GABRR3: variants seen among roughly 807,000 people sequenced by gnomAD.
The protein encoded by GABRR3 is gamma-aminobutyric acid receptor subunit rho-3.
Under a neutral mutation model 43.2 loss-of-function variants are expected in GABRR3, and 29 were observed. The ratio of observed to expected loss-of-function variants is 0.67; its 90% confidence interval spans 0.50 to 0.92. The LOEUF (loss-of-function observed/expected upper bound fraction) is 0.92, where lower values mean the gene tolerates loss of function less well. Among genes scored for constraint, GABRR3 ranks in the 40% least tolerant of loss-of-function variants. GABRR3 has a pLI of 0.00. For missense variants in GABRR3, 576 were observed against 572.3 expected (o/e 1.01, Z -0.07); for synonymous variants, 206 against 195.9 (o/e 1.05, Z -0.43).
chr3:97,988,743 T>C (rs1706420096), intron 9 of GABRR3, among the ~76,000 whole-genome samples: 1 of 150,308 alleles, frequency 6.7e-6, no homozygotes, highest in Non-Finnish European at 1.5e-5. Context: ...TAGGTATTGG[T>C]GTCTGGTGGT....
intron 7 of GABRR3, among the ~76,000 whole-genome samples, chr3:98,003,260 A>G (rs1297453644): frequency 6.6e-6 from 1 of 152,180 alleles, no homozygotes; most frequent in Non-Finnish European, 1.5e-5. Context: ...ACTTTATATA[A>G]CTACTGTGAG....
At chr3:97,990,196 C>G (rs1706444734) in intron 9 of GABRR3, among the ~76,000 whole-genome samples, 1 of 152,134 alleles carries the variant, frequency 6.6e-6, no homozygotes, top group African/African-American at 2.4e-5. Flanking sequence ...GTTTTTACGC[C>G]CTTTTACTAT....
At chr3:98,030,537 G>GA (rs1242277392) in intron 2 of GABRR3, among the ~76,000 whole-genome samples, 3 of 152,112 alleles carry the variant, frequency 2.0e-5, no homozygotes, top group Admixed American at 6.6e-5. Context: ...CGTGAGCTTG[G>GA]AAAAACAAAA....
chr3:98,005,794 C>T (rs1468859964), intron 7 of GABRR3, among the ~76,000 whole-genome samples: 1 of 152,026 alleles, frequency 6.6e-6, no homozygotes, highest in Non-Finnish European at 1.5e-5. Flanking sequence ...TAAAGAAATG[C>T]CATAATTATT....
intron 2 of GABRR3, among the ~76,000 whole-genome samples, chr3:98,026,602 GTCA>G (rs367904103): frequency 0.2 from 20,190 of 101,230 alleles, 1,600 homozygotes; most frequent in Non-Finnish European, 0.29. Context: ...AAAGGTGGCT[GTCA>G]TCATCATCAT....
intron 3 of GABRR3, 103 bp from the exon 4 acceptor site, chr3:98,017,825 T>A (rs959426128): frequency 7.2e-5 from 55 of 766,268 alleles, no homozygotes; most frequent in Middle Eastern, 2.3e-4. Context: ...ACTGAATTAC[T>A]GTTAAAGTTT....
At chr3:98,008,408 G>T (rs1706749437) in intron 6 of GABRR3, among the ~76,000 whole-genome samples, 1 of 152,232 alleles carries the variant, frequency 6.6e-6, no homozygotes, top group Non-Finnish European at 1.5e-5. Flanking sequence ...CATCTGGTGA[G>T]ATTCCCAGCA....
chr3:98,001,574 T>C lies in GABRR3; in HGVS notation c.907+41A>G, dbSNP rs758152520. ...CATTTTATTTACCTCCCTTGAACTT[T>C]CTCCCATGTTAACATTTTATAAAGA... On this transcript the variant is annotated intron_variant, in intron 8 of 9. Coordinates refer to ENST00000621172, the Ensembl canonical transcript of GABRR3. The C allele has an allele frequency of 1.6e-5, 26 of 1,608,120 alleles. No individual in the cohort carries two copies. In the Admixed American group the frequency reaches 4.0e-4, roughly 25 times the overall value.
intron 8 of GABRR3, among the ~76,000 whole-genome samples, chr3:97,994,392 A>G (rs1393172505): frequency 6.6e-6 from 1 of 152,218 alleles, no homozygotes; most frequent in Non-Finnish European, 1.5e-5. Context: ...AGGACTTGGA[A>G]TCTCACCTTC....
At chr3:98,005,247 T>C (rs954175973) in intron 7 of GABRR3, among the ~76,000 whole-genome samples, 1 of 142,480 alleles carries the variant, frequency 7.0e-6, no homozygotes, top group African/African-American at 2.5e-5. Context: ...ACACACGATA[T>C]GCACAGATAT....
At chr3:97,989,181 G>A (rs1366261358) in intron 9 of GABRR3, among the ~76,000 whole-genome samples, 2 of 151,360 alleles carry the variant, frequency 1.3e-5, no homozygotes, top group Non-Finnish European at 1.5e-5. Flanking sequence ...GGTGGGTGGT[G>A]GTTAGTAATG....
chr3:97,985,825 C>T (rs1196188215), downstream of GABRR3, among the ~76,000 whole-genome samples: 1 of 149,554 alleles, frequency 6.7e-6, no homozygotes, highest in African/African-American at 2.5e-5. Flanking sequence ...CTTATGCTCA[C>T]AAATACATGA....
At chr3:97,994,516 C>A (rs1341456691) in intron 8 of GABRR3, among the ~76,000 whole-genome samples, 1 of 152,176 alleles carries the variant, frequency 6.6e-6, no homozygotes, top group Non-Finnish European at 1.5e-5. Flanking sequence ...GTACTATCAA[C>A]GATCTGCATA....
intron 7 of GABRR3, among the ~76,000 whole-genome samples, chr3:98,004,640 G>A: frequency 6.7e-6 from 1 of 149,678 alleles, no homozygotes. Flanking sequence ...AGGTCGTGGT[G>A]ATTTTTGAAC....
chr3:98,033,333 CG>C (rs973966995), intron 2 of GABRR3, among the ~76,000 whole-genome samples: 2 of 152,124 alleles, frequency 1.3e-5, no homozygotes, highest in Admixed American at 6.6e-5. Flanking sequence ...GCGTTTCCTA[CG>C]GGGGAAGTCT....
intron 8 of GABRR3, 119 bp from the exon 9 acceptor site, chr3:97,993,167 G>A (rs1030544447): frequency 5.6e-6 from 4 of 708,092 alleles, no homozygotes; most frequent in Non-Finnish European, 8.8e-6. Context: ...TCCAAGAGGA[G>A]GGAAGGTGTG....
At chr3:98,006,901 G>GTAC (rs1350804836) in intron 7 of GABRR3, among the ~76,000 whole-genome samples, 1 of 152,172 alleles carries the variant, frequency 6.6e-6, no homozygotes, top group Non-Finnish European at 1.5e-5. Flanking sequence ...ATAGTAAAGA[G>GTAC]TACTATATAG....
At chr3:98,024,282 C>G (rs776591412) in intron 3 of GABRR3, among the ~76,000 whole-genome samples, 1 of 146,180 alleles carries the variant, frequency 6.8e-6, no homozygotes, top group South Asian at 2.1e-4. Flanking sequence ...TCACTTGAAT[C>G]TGGGAAGTGG....
chr3:98,007,919 T>C lies in GABRR3; in HGVS notation c.614-15A>G. On this transcript the variant is annotated splice_polypyrimidine_tract_variant and intron_variant, in intron 6 of 9. Transcript: ENST00000621172. ...ATTGTAGGCATCTAAAACATGAAAATATCAGTCTTGTAAGTGTAATAAGCT... is the reference window on the plus strand; with the variant it reads ...ATTGTAGGCATCTAAAACATGAAAACATCAGTCTTGTAAGTGTAATAAGCT... 6.5e-7 allele frequency: 1 copy of C among 1,542,934 alleles called. No homozygotes were observed. The highest frequency in any genetic ancestry group is 8.7e-7 in the Non-Finnish European group (1 of 1,144,600).
Sources: allele counts gnomAD v4.1 joint callset (sites outside exome capture counted in the v4.1 genomes callset), GRCh38; gene constraint gnomAD v4.1.1; transcripts MANE v1.5; gene names NCBI Gene and HGNC (gene_info 2026-07-23, HGNC 2026-07-21).